DPP10: variants seen among roughly 807,000 people sequenced by gnomAD.
The protein encoded by DPP10 is inactive dipeptidyl peptidase 10.
DPP10 carries 33 observed loss-of-function variants against 120.9 expected under a neutral mutation model. That is an observed-to-expected ratio of 0.27 (90% CI 0.21 to 0.37). The LOEUF (loss-of-function observed/expected upper bound fraction) is 0.37. Among genes scored for constraint, DPP10 ranks in the 10% least tolerant of loss-of-function variants. The pLI is 1.00. For missense variants in DPP10, 816 were observed against 942.8 expected (o/e 0.87, Z 1.76); for synonymous variants, 337 against 326.1 (o/e 1.03, Z -0.36).
chr2:115,018,404 C>T (rs1702826125), intron 1 of DPP10, among the ~76,000 whole-genome samples: 1 of 152,118 alleles, frequency 6.6e-6, no homozygotes, highest in South Asian at 2.1e-4. Flanking sequence ...AAGACATATG[C>T]ACACATATGT....
At chr2:115,478,368 A>G (rs1446171710) in intron 3 of DPP10, among the ~76,000 whole-genome samples, 2 of 152,162 alleles carry the variant, frequency 1.3e-5, no homozygotes, top group East Asian at 3.9e-4. Flanking sequence ...AACAGAATGG[A>G]ATGGGATTGT....
chr2:114,500,974 C>T (rs1248330676), intron 1 of DPP10, among the ~76,000 whole-genome samples: 2 of 152,214 alleles, frequency 1.3e-5, no homozygotes, highest in Non-Finnish European at 2.9e-5. Flanking sequence ...CCATGCACTT[C>T]ATACCTATGA....
At chr2:115,718,189 A>C (rs1358483897) in intron 7 of DPP10, among the ~76,000 whole-genome samples, 1 of 3,834 alleles carries the variant, frequency 2.6e-4, no homozygotes, top group Non-Finnish European at 9.9e-4. Flanking sequence ...CCAGTAATTA[A>C]AAAAAAAAAA....
intron 1 of DPP10, among the ~76,000 whole-genome samples, chr2:114,485,234 TC>T (rs1279168772): frequency 2.0e-5 from 3 of 152,160 alleles, no homozygotes; most frequent in African/African-American, 7.2e-5. Flanking sequence ...TCTTTCTTAC[TC>T]ACAGTTCATG....
chr2:115,091,812 T>C (rs1709291141), intron 1 of DPP10, among the ~76,000 whole-genome samples: 1 of 152,230 alleles, frequency 6.6e-6, no homozygotes, highest in African/African-American at 2.4e-5. Flanking sequence ...CCCACCTGCC[T>C]CTGCATTGGG....
At chr2:115,646,848 A>G (rs1463397918) in intron 5 of DPP10, among the ~76,000 whole-genome samples, 1 of 151,074 alleles carries the variant, frequency 6.6e-6, no homozygotes, top group Non-Finnish European at 1.5e-5. Context: ...GAAGTCTGTA[A>G]CGTCACTCTC....
At chr2:115,023,387 A>G (rs1317570494) in intron 1 of DPP10, among the ~76,000 whole-genome samples, 3 of 152,214 alleles carry the variant, frequency 2.0e-5, no homozygotes, top group Non-Finnish European at 4.4e-5. Context: ...AAGCATATGG[A>G]AAAATGCTCA....
At chr2:115,133,227 G>T (rs1386586982) in intron 1 of DPP10, among the ~76,000 whole-genome samples, 1 of 138,534 alleles carries the variant, frequency 7.2e-6, no homozygotes, top group African/African-American at 2.7e-5. Context: ...CACCCAGGCT[G>T]GAGTGCAGTG....
At chr2:114,477,822 T>C (rs1680575045) in intron 1 of DPP10, among the ~76,000 whole-genome samples, 1 of 150,968 alleles carries the variant, frequency 6.6e-6, no homozygotes, top group African/African-American at 2.4e-5. Flanking sequence ...TATGTGTGTA[T>C]ATATGTATGT....
At chr2:115,238,861 G>A (rs4849388) in intron 1 of DPP10, among the ~76,000 whole-genome samples, 120,706 of 151,996 alleles carry the variant, frequency 0.79, 48,200 homozygotes, top group East Asian at 0.89. Context: ...GAGTTTATTA[G>A]GTAGCATTAA....
chr2:114,802,364 G>C, intron 1 of DPP10, among the ~76,000 whole-genome samples: 1 of 152,168 alleles, frequency 6.6e-6, no homozygotes, highest in East Asian at 1.9e-4. Context: ...CTGTCATCTG[G>C]TGTAACTAAA....
At chr2:115,274,607 A>G (rs1468911418) in intron 1 of DPP10, among the ~76,000 whole-genome samples, 3 of 152,232 alleles carry the variant, frequency 2.0e-5, no homozygotes, top group African/African-American at 4.8e-5. Context: ...ACAACTATCC[A>G]TCAGGGAATT....
chr2:114,741,300 T>C (rs1678037918), intron 1 of DPP10, among the ~76,000 whole-genome samples: 1 of 152,206 alleles, frequency 6.6e-6, no homozygotes, highest in South Asian at 2.1e-4. Context: ...GTGAGTTTCT[T>C]TCCACTATTA....
chr2:115,385,145 A>G (rs750031521), intron 3 of DPP10, among the ~76,000 whole-genome samples: 10 of 152,134 alleles, frequency 6.6e-5, no homozygotes, highest in Non-Finnish European at 1.3e-4. Context: ...TTTATCAGCA[A>G]CATGAAAACG....
At chr2:115,495,116 A>G (rs1331181414) in intron 3 of DPP10, among the ~76,000 whole-genome samples, 9 of 152,168 alleles carry the variant, frequency 5.9e-5, no homozygotes, top group Admixed American at 1.3e-4. Flanking sequence ...ACATTTTACA[A>G]GAGTCGGAGT....
intron 1 of DPP10, among the ~76,000 whole-genome samples, chr2:114,767,388 T>C (rs1166163907): frequency 1.3e-5 from 2 of 150,630 alleles, no homozygotes; most frequent in Non-Finnish European, 3.0e-5. Flanking sequence ...ATAGACCTAA[T>C]TGATGAATGG....
At chr2:115,130,922 CATT>C (rs2050322877) in intron 1 of DPP10, 1 of 152,220 alleles carries the variant, frequency 6.6e-6, no homozygotes, top group African/African-American at 2.4e-5. Context: ...AGAATTTCTT[CATT>C]ATTTCTTACC....
intron 13 of DPP10, among the ~76,000 whole-genome samples, chr2:115,775,132 C>G (rs995290453): frequency 6.6e-6 from 1 of 151,470 alleles, no homozygotes; most frequent in African/African-American, 2.4e-5. Context: ...TTAATATATG[C>G]AATAATTTTA....
chr2:114,802,507 T>C (rs1684339620), intron 1 of DPP10, among the ~76,000 whole-genome samples: 1 of 94,146 alleles, frequency 1.1e-5, no homozygotes. Context: ...CTTTATGATC[T>C]GGAATAACCC....
Sources: gnomAD v4.1 joint callset for allele counts (sites outside exome capture counted in the v4.1 genomes callset) on GRCh38, gnomAD v4.1.1 for gene constraint, MANE v1.5 for transcripts, NCBI Gene and HGNC (gene_info 2026-07-23, HGNC 2026-07-21) for gene names.